TTC16: variants seen among roughly 807,000 people sequenced by gnomAD.
TTC16 encodes tetratricopeptide repeat domain 16, also known as tetratricopeptide repeat protein 16.
TTC16 carries 66 observed loss-of-function variants against 80.4 expected under a neutral mutation model. That is an observed-to-expected ratio of 0.82 (90% confidence interval 0.67 to 1.01). The LOEUF is 1.01. TTC16 is among the 50% of genes least tolerant of loss of function. The pLI is 0.00. For synonymous variants in TTC16, 438 were observed against 451.3 expected (o/e 0.97, Z 0.37); for missense variants, 1,070 against 1,103.2 (o/e 0.97, Z 0.43).
At chr9:127,720,240 G>A (rs768135146) in intron 5 of TTC16, 26 bp from the exon 6 acceptor site, 100 of 1,613,142 alleles carry the variant, frequency 6.2e-5, no homozygotes, top group Admixed American at 8.3e-5. Context: ...CCCGGGAAAC[G>A]AGCACTCTGT....
At chr9:127,725,120 A>G (rs1843829376) in intron 9 of TTC16, among the ~76,000 whole-genome samples, 1 of 152,214 alleles carries the variant, frequency 6.6e-6, no homozygotes, top group Admixed American at 6.5e-5. Flanking sequence ...AAAAAAATTT[A>G]AAAATTAGCT....
chr9:127,726,192 A>G (rs771619394), intron 9 of TTC16, 47 bp from the exon 10 acceptor site: 1 of 1,482,398 alleles, frequency 6.7e-7, no homozygotes, highest in Non-Finnish European at 9.0e-7. Flanking sequence ...CATTTTCCCC[A>G]CAGATGGCCC....
At position 127,720,157 on chromosome 9, in the gene TTC16, A is replaced by G; in HGVS notation, c.506A>G (p.Lys169Arg). The change falls in exon 5 of 14, where the codon AAA becomes AGA. Residue 169 changes from lysine to arginine, a missense_variant. By Grantham distance (26) the Lys-to-Arg change is conservative. Transcript: ENST00000373289. ...CATGCTGCTGAGCTCCAGCCTGAGA[A>G]ACCATGCTTCCGTTACCGATGGTGA... ...FSHAAELQPE[K>R]PCFRYRCMAC... 1 of 1,613,808 alleles carries G rather than the reference A, an allele frequency of 6.2e-7. No homozygotes were observed. Among genetic ancestry groups the G allele is most frequent in the Non-Finnish European group, 8.5e-7 (1 of 1,179,992 alleles).
chr9:127,731,041 A>G lies in TTC16; in HGVS notation c.2258A>G (p.Gln753Arg). ...AGCTCCAGCGAGATTGAGGCCACCCAGGGCCCAAGGCAGGAGCCCAGCAAG... is the reference window on the plus strand; with the variant it reads ...AGCTCCAGCGAGATTGAGGCCACCCGGGGCCCAAGGCAGGAGCCCAGCAAG... ...RQSSSEIEAT[Q>R]GPRQEPSKTK... is the part of the protein sequence containing the mutation. The change falls in exon 14 of 14, where the codon CAG (glutamine) becomes CGG (arginine). Residue 753 changes from glutamine to arginine, a missense_variant. Transcript: ENST00000373289. The G allele has an allele frequency of 6.2e-7, 1 of 1,612,908 alleles. No homozygotes were observed. Among genetic ancestry groups the G allele is most frequent in the Non-Finnish European group, 8.5e-7 (1 of 1,179,918 alleles).
At chr9:127,719,228 C>A (rs1401082289) in intron 4 of TTC16, among the ~76,000 whole-genome samples, 2 of 150,862 alleles carry the variant, frequency 1.3e-5, no homozygotes, top group Non-Finnish European at 3.0e-5. Context: ...AAAAAAAATT[C>A]TGTTCTTAAA....
At chr9:127,724,949 G>C (rs984407977) in intron 9 of TTC16, 52 bp downstream of exon 9, 1 of 1,441,958 alleles carries the variant, frequency 6.9e-7, no homozygotes, top group South Asian at 1.5e-5. Context: ...AGGGCAGGGC[G>C]GGCAGGAGGC....
chr9:127,719,626 G>A (rs1217708542), intron 4 of TTC16, among the ~76,000 whole-genome samples: 2 of 152,164 alleles, frequency 1.3e-5, no homozygotes, highest in Admixed American at 6.5e-5. Flanking sequence ...CTGAGTAGCT[G>A]GGATTACAGG....
intron 13 of TTC16, 28 bp from the exon 14 acceptor site, chr9:127,730,608 A>G: frequency 1.9e-6 from 3 of 1,605,202 alleles, no homozygotes; most frequent in Non-Finnish European, 1.7e-6. Context: ...GGCAGGCCTG[A>G]TGGGTGCTTT....
At chr9:127,725,704 A>G (rs1017468281) in intron 9 of TTC16, among the ~76,000 whole-genome samples, 13 of 151,370 alleles carry the variant, frequency 8.6e-5, no homozygotes, top group African/African-American at 3.2e-4. Context: ...GGTTCAAGCA[A>G]CTCTCCTGCC....
rs1445796171 is a variant in TTC16, at chr9:127,722,522, T to C, written c.658-597T>C. On this transcript the variant is annotated intron_variant, in intron 6 of 13. Transcript: ENST00000373289. The surrounding 1 kb of genome is among the most constrained non-coding windows in gnomAD (Gnocchi z 4.2). ...CATGCTCCCCGCACCTTGAGTGGGCTTCACAGAGGCCTGACAAGGAGGTAG... is the reference window on the plus strand; with the variant it reads ...CATGCTCCCCGCACCTTGAGTGGGCCTCACAGAGGCCTGACAAGGAGGTAG... 1.3e-5 allele frequency among the ~76,000 whole-genome samples: 2 copies of C among 152,086 alleles called. No individual in the cohort carries two copies. Among genetic ancestry groups the C allele is most frequent in the African/African-American group, 2.4e-5 (1 of 41,390 alleles).
rs1229544211 is a variant in TTC16, at chr9:127,718,516, A to C, written c.426+744A>C. 6.6e-6 allele frequency among the ~76,000 whole-genome samples: 1 copy of C among 152,202 alleles called. No homozygotes were observed. Among genetic ancestry groups the C allele is most frequent in the Non-Finnish European group, 1.5e-5 (1 of 68,026 alleles). ...ACTAAAAAGGTCACAGTGACCCCTA[A>C]GTGTATTTCAAAGGAAAAACAATAT... On this transcript the variant is annotated intron_variant, in intron 4 of 13. Coordinates refer to ENST00000373289, the MANE Select transcript of TTC16 (RefSeq NM_144965.3). The surrounding 1 kb of genome is among the most constrained non-coding windows in gnomAD (Gnocchi z 4.6).
At chr9:127,726,008 G>A (rs957009357) in intron 9 of TTC16, among the ~76,000 whole-genome samples, 2 of 152,240 alleles carry the variant, frequency 1.3e-5, no homozygotes, top group South Asian at 2.1e-4. Context: ...TCTCAGAAAC[G>A]CCTTCCCTAC....
chr9:127,719,936 C>T (rs1030160421), intron 4 of TTC16, 142 bp from the exon 5 acceptor site: 5 of 682,766 alleles, frequency 7.3e-6, no homozygotes, highest in Non-Finnish European at 1.3e-5. Flanking sequence ...GTGTCTCTGC[C>T]TCTTCAAGTC....
intron 13 of TTC16, 128 bp from the exon 14 acceptor site, chr9:127,730,508 G>T (rs971755110): frequency 2.9e-6 from 4 of 1,400,506 alleles, no homozygotes; most frequent in Non-Finnish European, 2.8e-6. Flanking sequence ...TGATCTGCAG[G>T]TCTTTCCCTT....
At position 127,724,600 on chromosome 9, in the gene TTC16, T is replaced by TGCCCAGAC. The variant is rs1843762853; in HGVS notation, c.1118-148_1118-141dup. On this transcript the variant is annotated intron_variant, in intron 8 of 13. Coordinates refer to ENST00000373289, the MANE Select transcript of TTC16 (RefSeq NM_144965.3). ...CTCAAAACAGGCAGCTGGGGAACAG[T>TGCCCAGAC]GCCCAGACGCCCAGAAAACTAGAGA... 2.6e-6 allele frequency: 3 copies of TGCCCAGAC among 1,174,064 alleles called. No individual in the cohort carries two copies. The Admixed American group carries it at 8.4e-5, about 33-fold the overall frequency. 72.7% of individuals were successfully genotyped at this position (1,174,064 alleles called of 1,614,324 possible). A position where few individuals can be genotyped will look rare whatever the true frequency, so the allele number is the denominator to read the frequency against.
rs944868664 is a variant in TTC16, at chr9:127,722,082, TAG to T, written c.658-1033_658-1032del. On this transcript the variant is annotated intron_variant, in intron 6 of 13. Transcript: ENST00000373289. The surrounding 1 kb of genome is among the most constrained non-coding windows in gnomAD (Gnocchi z 4.2). ...TGAGGCTCGCAGCAACCCTTTGGGA[TAG>T]AGACACACTGTCCTCGTTTCACAGA... Among the ~76,000 whole-genome samples the T allele has an allele frequency of 3.9e-5, 6 of 152,304 alleles. No homozygotes were observed. The highest frequency in any genetic ancestry group is 3.9e-4 in the Admixed American group (6 of 15,296).
intron 12 of TTC16, chr9:127,729,343 G>C: frequency 2.1e-6 from 1 of 481,396 alleles, no homozygotes; most frequent in African/African-American, 2.0e-5. Flanking sequence ...AAAAACCAAG[G>C]CGCTAGCAGC....
Position 127,723,233 on chromosome 9 carries a change from G to A in TTC16, c.772G>A (p.Ala258Thr). 2 of 1,612,930 alleles carry A rather than the reference G, an allele frequency of 1.2e-6. No homozygotes were observed. Among genetic ancestry groups the A allele is most frequent in the Non-Finnish European group, 1.7e-6 (2 of 1,180,036 alleles). Residue 258 changes from alanine to threonine, a missense_variant, in exon 7 of 14, where the codon GCG (alanine) becomes ACG (threonine). Physicochemically the swap from Ala to Thr is moderately conservative, Grantham distance 58. Transcript: ENST00000373289. ...CCAGGCCCAGCAGGCGCGCCAAGAT[G>A]CGGGGATCCTGGCTGTGCAGGGCAA... ...VAQAQQARQD[A>T]GILAVQGKLQ...
At chr9:127,724,722 T>TGG in intron 8 of TTC16, 34 bp from the exon 9 acceptor site, 1 of 1,596,338 alleles carries the variant, frequency 6.3e-7, no homozygotes, top group Non-Finnish European at 8.5e-7. Flanking sequence ...CACTGGGAGT[T>TGG]GGGGGTCCAC....
Sources: gnomAD v4.1 joint callset for allele counts (sites outside exome capture counted in the v4.1 genomes callset) on GRCh38, gnomAD v4.1.1 for gene constraint, Gnocchi (gnomAD v3.1) non-coding constraint, MANE v1.5 for transcripts, NCBI Gene and HGNC (gene_info 2026-07-23, HGNC 2026-07-21) for gene names.